NUMA1: variants seen among roughly 807,000 people sequenced by gnomAD.
NUMA1 encodes nuclear mitotic apparatus protein 1, also known as SP-H antigen.
NUMA1 carries 62 observed loss-of-function variants against 237.1 expected under a neutral mutation model. That is an observed-to-expected ratio of 0.26 (90% CI 0.21 to 0.32). The LOEUF is 0.32. Among genes scored for constraint, NUMA1 ranks in the 10% least tolerant of loss-of-function variants. The probability of loss-of-function intolerance (pLI) is 1.00; values close to 1 mark genes in which losing one functional copy is unlikely to be tolerated. For missense variants in NUMA1, 2,533 were observed against 2,666.5 expected (o/e 0.95, Z 1.10); for synonymous variants, 1,028 against 1,066.1 (o/e 0.96, Z 0.70).
chr11:72,044,605 G>GT (rs1176002031), intron 2 of NUMA1, among the ~76,000 whole-genome samples: 2 of 151,222 alleles, frequency 1.3e-5, no homozygotes, highest in African/African-American at 2.4e-5. Flanking sequence ...GTTACTTTGG[G>GT]GGGGGGGAGG....
At chr11:72,050,237 T>A (rs1591041942) in intron 2 of NUMA1, among the ~76,000 whole-genome samples, 2 of 152,230 alleles carry the variant, frequency 1.3e-5, no homozygotes, top group Non-Finnish European at 2.9e-5. Context: ...AGTAGCTTTC[T>A]ATACCTAGGT....
chr11:72,032,502 G>A (rs1940470770), intron 3 of NUMA1, among the ~76,000 whole-genome samples: 1 of 152,208 alleles, frequency 6.6e-6, no homozygotes, highest in Admixed American at 6.5e-5. Flanking sequence ...ATACCAATTA[G>A]CTGATGTAAA....
intron 2 of NUMA1, chr11:72,068,125 T>C (rs1367322274): frequency 6.6e-6 from 1 of 152,200 alleles, no homozygotes; most frequent in Non-Finnish European, 1.5e-5. Flanking sequence ...TCTTGATTGA[T>C]TTGGGTGTGT....
At chr11:72,075,603 C>T (rs981411436) in intron 1 of NUMA1, among the ~76,000 whole-genome samples, 88 of 152,338 alleles carry the variant, frequency 5.8e-4, no homozygotes, top group African/African-American at 2.1e-3. Context: ...CCCAACCTTC[C>T]TCCCTTTGTT....
At chr11:72,006,423 C>T (rs1222431418) in intron 21 of NUMA1, among the ~76,000 whole-genome samples, 160 bp from the exon 22 acceptor site, 1 of 152,186 alleles carries the variant, frequency 6.6e-6, no homozygotes, top group Non-Finnish European at 1.5e-5. Context: ...TGGGCCTTGT[C>T]GACAGAAGCC....
At position 72,016,191 on chromosome 11, in the gene NUMA1, T is replaced by C. The variant is rs1937707794; in HGVS notation, c.1312A>G (p.Met438Val). The C allele has an allele frequency of 1.9e-6, 3 of 1,612,674 alleles. No homozygotes were observed. The highest frequency in any genetic ancestry group is 2.2e-5 in the South Asian group (2 of 91,070). The change falls in exon 15 of 27, where the codon ATG (methionine) becomes GTG (valine). Residue 438 changes from methionine (M) to valine (V), a missense_variant. By Grantham distance (21) the Met-to-Val change is conservative. Coordinates refer to ENST00000393695, the MANE Select transcript of NUMA1 (RefSeq NM_006185.4). The stretch of plus-strand genomic sequence containing the variant: ...TGCTGGCCTCGCTCAGTCTCCAGCA[T>C]CTCTACCCTGGCTTGGAGCTGTGTG... Reference protein sequence around the residue: ...NNTQLQARVEMLETERGQQEA... With the variant: ...NNTQLQARVEVLETERGQQEA...
chr11:72,024,696 C>T (rs1939334400), intron 4 of NUMA1: 3 of 272,776 alleles, frequency 1.1e-5, no homozygotes, highest in Non-Finnish European at 2.1e-5. Flanking sequence ...TCTGGAATGG[C>T]TCAACTCTAA....
intron 1 of NUMA1, among the ~76,000 whole-genome samples, chr11:72,078,666 T>C (rs1390206940): frequency 3.3e-5 from 5 of 152,238 alleles, no homozygotes; most frequent in African/African-American, 1.2e-4. Context: ...AGCTTAGACA[T>C]TACAATTAGT....
intron 2 of NUMA1, among the ~76,000 whole-genome samples, chr11:72,045,867 G>C (rs1941964492): frequency 6.6e-6 from 1 of 152,200 alleles, no homozygotes; most frequent in African/African-American, 2.4e-5. Flanking sequence ...AACTGCCCTG[G>C]CCACATATGG....
In NUMA1 at chr11:72,004,836, G is replaced by C. The variant is rs774889477; in HGVS notation, c.5830-20C>G. The C allele has an allele frequency of 1.3e-6, 2 of 1,550,496 alleles. No individual in the cohort carries two copies. Among genetic ancestry groups the C allele is most frequent in the African/African-American group, 1.4e-5 (1 of 72,762 alleles). ...GGAAGGCTGCATGGGTGGAAGAGGT[G>C]GTCAGTGGACCATAGCTGTATGGAG... On this transcript the variant is annotated intron_variant, in intron 23 of 26. Coordinates refer to ENST00000393695, the MANE Select transcript of NUMA1 (RefSeq NM_006185.4).
rs199958172 is a variant in NUMA1 at position 72,019,569 on chromosome 11, G to A, written c.509C>T (p.Pro170Leu). The A allele has an allele frequency of 4.2e-5, 67 of 1,613,890 alleles. No individual in the cohort carries two copies. The highest frequency in any genetic ancestry group is 6.7e-5 in the Admixed American group (4 of 60,006). Residue 170 changes from proline to leucine, a missense_variant, in exon 9 of 27, where the codon CCA becomes CTA. Transcript: ENST00000393695. ...CSSTFPEELS[P>L]PSHQAKREIR... is the part of the protein sequence containing the mutation. ...CTCCCTCTTGGCCTGGTGGCTAGGT[G>A]GGGAGAGCTCTTCAGGGAATGTGCT...
At chr11:72,019,070 G>A in intron 9 of NUMA1, 90 bp from the exon 10 acceptor site, 1 of 1,443,112 alleles carries the variant, frequency 6.9e-7, no homozygotes, top group Non-Finnish European at 9.5e-7. Flanking sequence ...GGGGTCTATG[G>A]AAGTGCGCAC....
intron 8 of NUMA1, among the ~76,000 whole-genome samples, chr11:72,020,072 C>A (rs187354935): frequency 1.3e-5 from 2 of 152,304 alleles, no homozygotes; most frequent in Admixed American, 1.3e-4. Context: ...CCTCAAAACC[C>A]TTCTCTTTCC....
intron 2 of NUMA1, among the ~76,000 whole-genome samples, chr11:72,048,127 C>T (rs1942104417): frequency 1.3e-5 from 2 of 152,046 alleles, no homozygotes; most frequent in African/African-American, 4.8e-5. Context: ...GATGGAGTCT[C>T]GCTCTGTCGC....
chr11:72,062,195 CAGTG>C (rs1942980085), intron 2 of NUMA1, among the ~76,000 whole-genome samples: 1 of 152,174 alleles, frequency 6.6e-6, no homozygotes, highest in Non-Finnish European at 1.5e-5. Flanking sequence ...CCCATATCAT[CAGTG>C]GAGGAACTCA....
At chr11:72,025,425 G>A (rs922449236) in intron 4 of NUMA1, among the ~76,000 whole-genome samples, 1 of 151,332 alleles carries the variant, frequency 6.6e-6, no homozygotes, top group African/African-American at 2.4e-5. Context: ...AAAAAAAAAA[G>A]AATACTAGTC....
intron 2 of NUMA1, chr11:72,065,459 G>GA (rs1227163317): frequency 6.6e-6 from 1 of 152,040 alleles, no homozygotes; most frequent in African/African-American, 2.4e-5. Context: ...GGTAAATGGG[G>GA]AAAAAAGCAG....
chr11:72,031,652 T>A (rs1184118340), intron 3 of NUMA1, among the ~76,000 whole-genome samples: 2 of 150,192 alleles, frequency 1.3e-5, no homozygotes, highest in African/African-American at 2.5e-5. Flanking sequence ...TTTAAAAAAA[T>A]TTTTAGCTGG....
At position 72,003,258 on chromosome 11, in the gene NUMA1, G is replaced by C; in HGVS notation, c.*269C>G. 1.9e-6 allele frequency: 1 copy of C among 517,672 alleles called. No homozygotes were observed. Among genetic ancestry groups the C allele is most frequent in the Non-Finnish European group, 3.5e-6 (1 of 287,532 alleles). The allele number at this position is 517,672 out of a possible 1,614,324, so 32.1% of individuals were successfully genotyped here. A position where few individuals can be genotyped will look rare whatever the true frequency, so the allele number is the denominator to read the frequency against. On this transcript the variant is annotated 3_prime_UTR_variant, in exon 27 of 27. Coordinates refer to ENST00000393695, the MANE Select transcript of NUMA1 (RefSeq NM_006185.4). The stretch of plus-strand genomic sequence containing the variant: ...AACCAGCCTCAAATCTGGTTGTGAT[G>C]GAGAAGTGACTTTGCTTTAAGAAAA...
Sources: gnomAD v4.1 joint callset for allele counts (sites outside exome capture counted in the v4.1 genomes callset) on GRCh38, gnomAD v4.1.1 for gene constraint, MANE v1.5 for transcripts, NCBI Gene and HGNC (gene_info 2026-07-23, HGNC 2026-07-21) for gene names.